Variants in FAM81A observed in about 807,000 individuals in gnomAD.
The protein encoded by FAM81A is protein FAM81A.
FAM81A carries 19 observed loss-of-function variants against 46.7 expected under a neutral mutation model. The observed-to-expected ratio is 0.41, with a 90% CI of 0.28 to 0.60. FAM81A has a LOEUF of 0.60. Ranked by LOEUF, FAM81A falls within the 20% of genes least tolerant of loss-of-function variation. FAM81A has a pLI of 0.34. For missense variants in FAM81A, 377 were observed against 453.5 expected, an observed-to-expected ratio of 0.83 and a Z score of 1.53; for synonymous variants, 183 against 152.9, an observed-to-expected ratio of 1.20 and a Z score of -1.45.
chr15:59,421,675 T>G (rs1373510391), intron 2 of FAM81A, among the ~76,000 whole-genome samples: 1 of 152,118 alleles, frequency 6.6e-6, no homozygotes, highest in African/African-American at 2.4e-5. Flanking sequence ...GTTTTAAAGC[T>G]CTTATCCTTG....
intron 7 of FAM81A, among the ~76,000 whole-genome samples, chr15:59,514,703 G>A (rs1039197539): frequency 6.6e-6 from 1 of 152,100 alleles, no homozygotes; most frequent in Admixed American, 6.6e-5. Context: ...GTTCATCTTC[G>A]TTTCTACATA....
chr15:59,455,988 C>A (rs2081478721), intron 1 of FAM81A, among the ~76,000 whole-genome samples: 1 of 152,156 alleles, frequency 6.6e-6, no homozygotes, highest in Non-Finnish European at 1.5e-5. Context: ...TAGGTCAGCC[C>A]TGTGTTTATT....
chr15:59,410,866 T>G (rs1185790851), intron 2 of FAM81A, among the ~76,000 whole-genome samples: 6 of 152,186 alleles, frequency 3.9e-5, no homozygotes, highest in Non-Finnish European at 8.8e-5. Flanking sequence ...CTCTCCTGCC[T>G]CAGCCTCCTG....
intron 4 of FAM81A, among the ~76,000 whole-genome samples, chr15:59,496,172 T>C (rs547214588): frequency 3.3e-5 from 5 of 151,282 alleles, no homozygotes; most frequent in Non-Finnish European, 5.9e-5. Flanking sequence ...CTGTGATCCA[T>C]TTTTAGTTAA....
intron 2 of FAM81A, among the ~76,000 whole-genome samples, chr15:59,430,254 C>CTTTT (rs5812977): frequency 9.1e-5 from 8 of 87,456 alleles, no homozygotes; most frequent in East Asian, 3.6e-4. Context: ...ACCTATTTCC[C>CTTTT]TTTTTTTTTT....
intron 1 of FAM81A, 133 bp from the exon 2 acceptor site, chr15:59,458,417 C>T (rs1017766713): frequency 1.9e-5 from 12 of 620,528 alleles, no homozygotes; most frequent in Non-Finnish European, 2.8e-5. Context: ...GTATAAGATA[C>T]AAAACATTTA....
intron 3 of FAM81A, among the ~76,000 whole-genome samples, chr15:59,468,441 G>A (rs1433023945): frequency 6.6e-6 from 1 of 152,140 alleles, no homozygotes. Context: ...TCTTGGGAGG[G>A]TGTGTGTGTC....
chr15:59,511,339 A>C (rs185071557), intron 6 of FAM81A, among the ~76,000 whole-genome samples: 42 of 152,342 alleles, frequency 2.8e-4, no homozygotes, highest in African/African-American at 8.9e-4. Context: ...AGAAACATTG[A>C]ATAACTTTAG....
chr15:59,475,138 T>G (rs1404260426), intron 3 of FAM81A, among the ~76,000 whole-genome samples: 3 of 152,160 alleles, frequency 2.0e-5, no homozygotes, highest in African/African-American at 4.8e-5. Context: ...TGATAATTAT[T>G]TTTTCCAAAA....
chr15:59,458,344 A>G (rs1490160588), intron 1 of FAM81A, among the ~76,000 whole-genome samples: 1 of 152,212 alleles, frequency 6.6e-6, no homozygotes, highest in Non-Finnish European at 1.5e-5. Flanking sequence ...TTAATTTCAG[A>G]AGAGCTTTGA....
chr15:59,509,601 G>A (rs2082183950), intron 6 of FAM81A, among the ~76,000 whole-genome samples: 1 of 152,190 alleles, frequency 6.6e-6, no homozygotes, highest in Admixed American at 6.5e-5. Flanking sequence ...CTGCAGTGAT[G>A]CACTTTGAGG....
At chr15:59,497,041 G>T (rs772033555) in intron 4 of FAM81A, among the ~76,000 whole-genome samples, 4 of 151,694 alleles carry the variant, frequency 2.6e-5, no homozygotes, top group African/African-American at 7.3e-5. Context: ...CAGGAGAATC[G>T]CTTGAACCTA....
At position 59,523,375 on chromosome 15, in the gene FAM81A, T is replaced by C. The variant is rs1269110730; in HGVS notation, c.*1997T>C. 6.6e-6 allele frequency: 1 copy of C among 151,926 alleles called. No homozygotes were observed. Among genetic ancestry groups the C allele is most frequent in the African/African-American group, 2.4e-5 (1 of 41,346 alleles). The allele number at this position is 151,926 out of a possible 1,614,324, so 9.4% of individuals were successfully genotyped here. A position where few individuals can be genotyped will look rare whatever the true frequency, so the allele number is the denominator to read the frequency against. On this transcript the variant is annotated 3_prime_UTR_variant, in exon 9 of 9. Coordinates refer to ENST00000288228, the MANE Select transcript of FAM81A (RefSeq NM_152450.3). ...CGATTAAGTCAGAACCTCTGGGAGG[T>C]GGGTCGCAGGCATCAGTGCGTGCCC... is the stretch of plus-strand genomic sequence containing the variant.
chr15:59,401,998 G>A (rs1188611327), intron 1 of FAM81A: 1 of 651,812 alleles, frequency 1.5e-6, no homozygotes, highest in Non-Finnish European at 2.8e-6. Flanking sequence ...TATTTGTTCT[G>A]TGGCATGTTG....
intron 2 of FAM81A, among the ~76,000 whole-genome samples, chr15:59,409,986 G>A (rs1184373867): frequency 1.3e-5 from 2 of 152,096 alleles, no homozygotes; most frequent in Non-Finnish European, 2.9e-5. Flanking sequence ...ATAGAAATCA[G>A]TACTATTATT....
chr15:59,492,239 A>T (rs1349727077), intron 3 of FAM81A, 32 bp from the exon 4 acceptor site: 1 of 1,515,056 alleles, frequency 6.6e-7, no homozygotes, highest in African/African-American at 1.4e-5. Context: ...GAATTCTTAG[A>T]TGACTCCCTT....
chr15:59,485,653 CAAG>C (rs1484700497), intron 3 of FAM81A, among the ~76,000 whole-genome samples: 1 of 152,158 alleles, frequency 6.6e-6, no homozygotes, highest in South Asian at 2.1e-4. Context: ...AAAGCCTTCG[CAAG>C]AAGAATGGGT....
intron 3 of FAM81A, among the ~76,000 whole-genome samples, chr15:59,482,605 C>T (rs920714248): frequency 1.3e-5 from 2 of 152,126 alleles, no homozygotes. Context: ...GCGCTGGGCT[C>T]GTTCTCTAGC....
intron 3 of FAM81A, among the ~76,000 whole-genome samples, chr15:59,489,351 G>A (rs186918753): frequency 2.0e-5 from 3 of 151,322 alleles, no homozygotes; most frequent in African/African-American, 7.3e-5. Flanking sequence ...ATTAACCAAA[G>A]AAGTGAAAGA....
Sources: allele counts gnomAD v4.1 joint callset (sites outside exome capture counted in the v4.1 genomes callset), GRCh38; gene constraint gnomAD v4.1.1; transcripts MANE v1.5; gene names NCBI Gene and HGNC (gene_info 2026-07-23, HGNC 2026-07-21).